IGSF10: variants seen among roughly 807,000 people sequenced by gnomAD.
IGSF10 encodes the protein calvaria mechanical force protein 608.
In IGSF10, 126 loss-of-function variants were observed where a neutral mutation model predicts 128.2. The ratio of observed to expected loss-of-function variants is 0.98; its 90% CI spans 0.85 to 1.14. The LOEUF is 1.14. IGSF10 is among the 50% of genes most tolerant of loss of function. The pLI is 0.00. For synonymous variants in IGSF10, 1,185 were observed against 1,146.2 expected (o/e 1.03, Z -0.68); for missense variants, 3,295 against 3,149.8 (o/e 1.05, Z -1.10).
chr3:151,453,627 C>T lies in IGSF10; in HGVS notation c.472G>A (p.Val158Met), dbSNP rs1465591322. ...VFYGLNFLRL[V>M]HLEGNQLTKL... ...GTGAGCTGATTTCCTTCCAAGTGCA[C>T]CAGGCGGAGAAAGTTGAGCCCATAA... Residue 158 changes from valine (V) to methionine (M), a missense_variant, in exon 5 of 8, where the codon GTG becomes ATG. Val to Met is a conservative substitution (Grantham distance 21). Coordinates refer to ENST00000282466, the MANE Select transcript of IGSF10 (RefSeq NM_178822.5). 3.1e-6 allele frequency: 5 copies of T among 1,613,924 alleles called. No homozygotes were observed. In the South Asian group the frequency reaches 4.4e-5, roughly 14 times the overall value.
chr3:151,587,779 G>C, the IGSF10 span, among the ~76,000 whole-genome samples: 1 of 152,206 alleles, frequency 6.6e-6, no homozygotes. Context: ...CTGTTCTCAT[G>C]ATAATGAATG....
At chr3:151,555,984 A>T in the IGSF10 span, among the ~76,000 whole-genome samples, 1 of 152,172 alleles carries the variant, frequency 6.6e-6, no homozygotes, top group South Asian at 2.1e-4. Context: ...GTAACTTCTG[A>T]GCAAGTTTAA....
At chr3:151,585,965 C>A in the IGSF10 span, among the ~76,000 whole-genome samples, 2 of 151,214 alleles carry the variant, frequency 1.3e-5, no homozygotes, top group Non-Finnish European at 2.9e-5. Context: ...TATGAAGTTG[C>A]TTTGCTCACA....
chr3:151,551,356 C>T, the IGSF10 span, among the ~76,000 whole-genome samples: 6 of 151,974 alleles, frequency 3.9e-5, no homozygotes, highest in Non-Finnish European at 8.8e-5. Flanking sequence ...TACCAAAATC[C>T]ACACATCCTC....
chr3:151,457,744 A>G (rs1031430790), intron 3 of IGSF10, among the ~76,000 whole-genome samples: 1 of 152,192 alleles, frequency 6.6e-6, no homozygotes, highest in Non-Finnish European at 1.5e-5. Context: ...GCAGTGCTTA[A>G]CCCAATGCCA....
At chr3:151,550,487 T>C in the IGSF10 span, among the ~76,000 whole-genome samples, 7 of 152,158 alleles carry the variant, frequency 4.6e-5, no homozygotes, top group African/African-American at 1.7e-4. Context: ...CTGGATACAG[T>C]GAGGCAAAGA....
the IGSF10 span, among the ~76,000 whole-genome samples, chr3:151,518,390 T>C: frequency 5.3e-5 from 8 of 152,042 alleles, no homozygotes; most frequent in Admixed American, 2.6e-4. Flanking sequence ...AGGAGACTGC[T>C]CGATTCATGA....
At chr3:151,522,615 A>G in the IGSF10 span, among the ~76,000 whole-genome samples, 1 of 152,312 alleles carries the variant, frequency 6.6e-6, no homozygotes, top group Admixed American at 6.5e-5. Context: ...ATAGACATGG[A>G]GAAGGCTTTT....
the IGSF10 span, among the ~76,000 whole-genome samples, chr3:151,541,570 G>A: frequency 2.0e-5 from 3 of 152,126 alleles, no homozygotes; most frequent in Non-Finnish European, 2.9e-5. Context: ...CTTTTAGGAG[G>A]CTGATATTTC....
chr3:151,558,018 A>ATATATATTATATATATATT, the IGSF10 span, among the ~76,000 whole-genome samples: 3 of 15,218 alleles, frequency 2.0e-4, no homozygotes, highest in African/African-American at 3.8e-4. Flanking sequence ...ATATATATAT[A>ATATATATTATATATATATT]ATATATATAT....
At chr3:151,534,018 AAAG>A in the IGSF10 span, among the ~76,000 whole-genome samples, 1 of 152,252 alleles carries the variant, frequency 6.6e-6, no homozygotes, top group African/African-American at 2.4e-5. Flanking sequence ...ACACTTCTCA[AAAG>A]AAGACATTTA....
chr3:151,447,253 C>A lies in IGSF10; in HGVS notation c.2728G>T (p.Gly910Ter). ...ATEFQDSDQM[G>*]RGREHFQSRP... ...CTTTGGAAATGCTCTCTTCCTCTTC[C>A]CATCTGGTCAGAGTCCTGAAATTCA... The change falls in exon 6 of 8, where the codon GGA becomes TGA. Residue 910 changes from glycine to a stop codon, truncating the protein, a stop_gained. Transcript: ENST00000282466. LOFTEE classifies it high-confidence loss of function. 3 of 1,614,194 alleles carry A rather than the reference C, an allele frequency of 1.9e-6. No homozygotes were observed. The highest frequency in any genetic ancestry group is 2.5e-6 in the Non-Finnish European group (3 of 1,180,026).
the IGSF10 span, among the ~76,000 whole-genome samples, chr3:151,615,853 C>G: frequency 6.6e-6 from 1 of 151,916 alleles, no homozygotes; most frequent in African/African-American, 2.4e-5. Flanking sequence ...AAGCATTTAA[C>G]TATCAACTGT....
At chr3:151,444,433 G>A (rs780604516) in intron 6 of IGSF10, among the ~76,000 whole-genome samples, 5 of 152,008 alleles carry the variant, frequency 3.3e-5, no homozygotes, top group Admixed American at 1.3e-4. Context: ...TCAGCCTCCC[G>A]AGTAGCTGGG....
the IGSF10 span, among the ~76,000 whole-genome samples, chr3:151,508,367 TTC>T: frequency 2.6e-5 from 4 of 152,174 alleles, no homozygotes; most frequent in Admixed American, 2.6e-4. Flanking sequence ...TAAAATTTGG[TTC>T]TCTCTTTTGA....
At chr3:151,461,564 C>A, upstream of IGSF10, 2 of 369,578 alleles carry the variant, frequency 5.4e-6, no homozygotes, top group Non-Finnish European at 6.6e-6. Context: ...ACATATCCAT[C>A]ATCTCACATA....
the IGSF10 span, among the ~76,000 whole-genome samples, chr3:151,605,918 C>G: frequency 6.6e-6 from 1 of 152,190 alleles, no homozygotes; most frequent in African/African-American, 2.4e-5. Context: ...TTGGGCCTCA[C>G]CCCCAGAGTT....
At chr3:151,466,074 C>A in the IGSF10 span, among the ~76,000 whole-genome samples, 2 of 152,188 alleles carry the variant, frequency 1.3e-5, no homozygotes, top group African/African-American at 4.8e-5. Flanking sequence ...TCCCTGTAGT[C>A]TCTCTGAATC....
intron 7 of IGSF10, among the ~76,000 whole-genome samples, chr3:151,442,613 T>C (rs1161951520): frequency 6.7e-6 from 1 of 149,574 alleles, no homozygotes; most frequent in African/African-American, 2.5e-5. Context: ...GGTCCTGAAC[T>C]CCTGACCTCA....
Sources: allele counts gnomAD v4.1 joint callset (sites outside exome capture counted in the v4.1 genomes callset), GRCh38; gene constraint gnomAD v4.1.1; transcripts MANE v1.5; gene names NCBI Gene and HGNC (gene_info 2026-07-23, HGNC 2026-07-21).